CTNNA3: variants seen among roughly 807,000 people sequenced by gnomAD.
The protein encoded by CTNNA3 is catenin alpha 3.
A neutral mutation model predicts 95.7 loss-of-function variants in CTNNA3; 76 were observed. The ratio of observed to expected loss-of-function variants is 0.79; its 90% CI spans 0.66 to 0.96. The LOEUF is 0.96. Ranked by LOEUF, CTNNA3 falls within the 40% of genes least tolerant of loss-of-function variation. The pLI, the probability that CTNNA3 is intolerant of heterozygous loss-of-function variation, is 0.00. For synonymous variants in CTNNA3, 431 were observed against 374.4 expected, an observed-to-expected ratio of 1.15 and a Z score of -1.74; for missense variants, 1,191 against 1,089.8, an observed-to-expected ratio of 1.09 and a Z score of -1.31.
intron 3 of CTNNA3, among the ~76,000 whole-genome samples, chr10:67,550,777 T>C (rs1005911459): frequency 2.0e-5 from 3 of 150,250 alleles, no homozygotes; most frequent in Non-Finnish European, 4.4e-5. Context: ...TAAATAAACA[T>C]GGAGTTTTTA....
At chr10:67,437,314 C>T (rs552663359) in intron 5 of CTNNA3, among the ~76,000 whole-genome samples, 16 of 151,898 alleles carry the variant, frequency 1.1e-4, no homozygotes, top group Non-Finnish European at 2.1e-4. Context: ...ACTTTGGGGA[C>T]CTGAGAGGAA....
intron 9 of CTNNA3, among the ~76,000 whole-genome samples, chr10:66,694,347 A>T (rs1361171738): frequency 1.3e-5 from 2 of 152,154 alleles, no homozygotes; most frequent in Non-Finnish European, 2.9e-5. Context: ...TATGCAAATA[A>T]ACTAGAAAAT....
At chr10:66,316,637 C>A (rs971275723) in intron 12 of CTNNA3, among the ~76,000 whole-genome samples, 34 of 151,902 alleles carry the variant, frequency 2.2e-4, no homozygotes, top group African/African-American at 8.0e-4. Flanking sequence ...AACCAGAGTA[C>A]CAAGAAAAAA....
At chr10:67,382,090 T>G (rs1359786861) in intron 5 of CTNNA3, among the ~76,000 whole-genome samples, 1 of 152,214 alleles carries the variant, frequency 6.6e-6, no homozygotes, top group Non-Finnish European at 1.5e-5. Context: ...AATGTTAGTT[T>G]CTTTCATTCT....
intron 5 of CTNNA3, among the ~76,000 whole-genome samples, chr10:67,489,529 G>A (rs543487282): frequency 6.6e-6 from 1 of 152,178 alleles, no homozygotes; most frequent in East Asian, 1.9e-4. Flanking sequence ...AAGAGACCAA[G>A]AAAAGCACCT....
chr10:66,557,507 G>A (rs545060171), intron 10 of CTNNA3, among the ~76,000 whole-genome samples: 1 of 152,220 alleles, frequency 6.6e-6, no homozygotes, highest in East Asian at 1.9e-4. Context: ...GCTTCAGTGA[G>A]GGTTTGTTAA....
At chr10:66,007,246 G>A (rs1424790578) in intron 15 of CTNNA3, among the ~76,000 whole-genome samples, 1 of 151,906 alleles carries the variant, frequency 6.6e-6, no homozygotes, top group African/African-American at 2.4e-5. Context: ...ATTTTTAAAG[G>A]GTACAATTTA....
At chr10:66,379,913 T>C (rs555514062) in intron 11 of CTNNA3, among the ~76,000 whole-genome samples, 1 of 152,262 alleles carries the variant, frequency 6.6e-6, no homozygotes, top group South Asian at 2.1e-4. Context: ...CTTCATAAAA[T>C]GATTAATACT....
chr10:67,512,581 G>T (rs1432469788), intron 5 of CTNNA3, among the ~76,000 whole-genome samples: 2 of 152,064 alleles, frequency 1.3e-5, no homozygotes, highest in African/African-American at 4.8e-5. Flanking sequence ...ACTACAAAAT[G>T]ATGTACTTTC....
intron 13 of CTNNA3, among the ~76,000 whole-genome samples, chr10:66,160,244 C>T (rs1037487725): frequency 4.0e-5 from 6 of 151,684 alleles, no homozygotes; most frequent in African/African-American, 1.5e-4. Context: ...GTTCTTGTTT[C>T]TCTAGTTCCT....
chr10:66,895,618 C>A lies in CTNNA3; in HGVS notation c.1048-120094G>T, dbSNP rs565321186. On this transcript the variant is annotated intron_variant, in intron 7 of 17. Coordinates refer to ENST00000433211, the MANE Select transcript of CTNNA3 (RefSeq NM_013266.4). ...GGAGTCAGACTGCCTACATGTGAAT[C>A]CCTACCATTCACCACCTATAATTGA... Among the ~76,000 whole-genome samples the A allele has an allele frequency of 3.3e-5, 5 of 152,188 alleles. No homozygotes were observed. The East Asian group carries it at 5.8e-4, about 18-fold the overall frequency.
chr10:67,511,886 C>G (rs1839645400), intron 5 of CTNNA3, among the ~76,000 whole-genome samples: 1 of 152,104 alleles, frequency 6.6e-6, no homozygotes, highest in African/African-American at 2.4e-5. Flanking sequence ...TGATATTGGT[C>G]TATTCAGAGA....
intron 10 of CTNNA3, among the ~76,000 whole-genome samples, chr10:66,595,878 G>GCCTCAAGTCATCCT (rs1230165275): frequency 3.3e-5 from 5 of 151,780 alleles, no homozygotes; most frequent in Admixed American, 3.3e-4. Flanking sequence ...TAAACTCCTG[G>GCCTCAAGTCATCCT]CCTCAAGTCA....
At chr10:65,948,888 A>G (rs779561844) in intron 17 of CTNNA3, among the ~76,000 whole-genome samples, 1 of 152,192 alleles carries the variant, frequency 6.6e-6, no homozygotes, top group African/African-American at 2.4e-5. Flanking sequence ...ACTCTAAACT[A>G]TAATTACTTA....
chr10:67,606,905 CTG>C lies in CTNNA3; in HGVS notation c.242_243del (p.Thr81SerfsTer5). ...GAAGCCGTAAGCTCATCCTTTAAAACTGTAGCTTCCTGGGCAATCTTCTCTCC... is the reference window on the plus strand; with the variant it reads ...GAAGCCGTAAGCTCATCCTTTAAAACTAGCTTCCTGGGCAATCTTCTCTCC... Reference protein sequence around the residue: ...DKGEKIAQEATVLKDELTASL... With the variant: ...DKGEKIAQEAXVLKDELTASL... On this transcript the variant is annotated frameshift_variant, in exon 3 of 18. Coordinates refer to ENST00000433211, the MANE Select transcript of CTNNA3 (RefSeq NM_013266.4). LOFTEE classifies it high-confidence loss of function. 5 of 1,614,134 alleles carry C rather than the reference CTG, an allele frequency of 3.1e-6. No individual in the cohort carries two copies. The highest frequency in any genetic ancestry group is 4.2e-6 in the Non-Finnish European group (5 of 1,179,988).
intron 9 of CTNNA3, among the ~76,000 whole-genome samples, chr10:66,721,015 T>C (rs1456670553): frequency 6.6e-6 from 1 of 152,066 alleles, no homozygotes; most frequent in Non-Finnish European, 1.5e-5. Flanking sequence ...CCCACAAATA[T>C]TTTTATTTAA....
chr10:66,550,373 C>T lies in CTNNA3; in HGVS notation c.1375-29600G>A, dbSNP rs188543634. 3.9e-5 allele frequency among the ~76,000 whole-genome samples: 6 copies of T among 151,912 alleles called. No individual in the cohort carries two copies. In the East Asian group the frequency reaches 7.8e-4, roughly 20 times the overall value. On this transcript the variant is annotated intron_variant, in intron 10 of 17. Coordinates refer to ENST00000433211, the MANE Select transcript of CTNNA3 (RefSeq NM_013266.4). ...GAGTAAAATCTTATTTTATTTTATCCACTTTGGCATTCTCTATCCTTTAAT... is the reference window on the plus strand; with the variant it reads ...GAGTAAAATCTTATTTTATTTTATCTACTTTGGCATTCTCTATCCTTTAAT...
In CTNNA3 at chr10:66,383,183, A is replaced by G. The variant is rs143485279; in HGVS notation, c.1532-3831T>C. Among the ~76,000 whole-genome samples, 7 of 152,286 alleles carry G rather than the reference A, an allele frequency of 4.6e-5. No individual in the cohort carries two copies. The East Asian group carries it at 1.4e-3, about 29-fold the overall frequency. Reference sequence around the variant, plus strand: ...AGGATGTTTGAACCCATTGCAAGGAAGCTAAAAACCTTGAAAAAAGATTAG... The same window carrying G: ...AGGATGTTTGAACCCATTGCAAGGAGGCTAAAAACCTTGAAAAAAGATTAG... On this transcript the variant is annotated intron_variant, in intron 11 of 17. Coordinates refer to ENST00000433211, the MANE Select transcript of CTNNA3 (RefSeq NM_013266.4).
At chr10:67,188,372 G>A (rs1023068857) in intron 6 of CTNNA3, among the ~76,000 whole-genome samples, 3 of 152,144 alleles carry the variant, frequency 2.0e-5, no homozygotes, top group East Asian at 1.9e-4. Context: ...GCACATCCCT[G>A]TATTCCCAGC....
Sources: gnomAD v4.1 joint callset for allele counts (sites outside exome capture counted in the v4.1 genomes callset) on GRCh38, gnomAD v4.1.1 for gene constraint, MANE v1.5 for transcripts, NCBI Gene and HGNC (gene_info 2026-07-23, HGNC 2026-07-21) for gene names.